The following DSCAM variants were observed in gnomAD, a reference collection of about 807,000 sequenced individuals.
DSCAM encodes DS cell adhesion molecule.
DSCAM carries 47 observed loss-of-function variants against 217.7 expected under a neutral mutation model. The ratio of observed to expected loss-of-function variants is 0.22; its 90% CI spans 0.17 to 0.28. The LOEUF (loss-of-function observed/expected upper bound fraction) is 0.28, where lower values mean the gene tolerates loss of function less well. DSCAM is among the 10% of genes least tolerant of loss of function. The probability of loss-of-function intolerance (pLI) is 1.00; values close to 1 mark genes in which losing one functional copy is unlikely to be tolerated. For synonymous variants in DSCAM, 1,056 were observed against 1,015.3 expected (o/e 1.04, Z -0.76); for missense variants, 2,080 against 2,618.3 (o/e 0.79, Z 4.49).
intron 2 of DSCAM, among the ~76,000 whole-genome samples, chr21:40,702,188 G>T (rs568517807): frequency 6.6e-6 from 1 of 152,180 alleles, no homozygotes; most frequent in East Asian, 1.9e-4. Flanking sequence ...AACTGCTTTA[G>T]CTCTGAGCAC....
chr21:40,388,126 C>T (rs1234142638), intron 3 of DSCAM, among the ~76,000 whole-genome samples: 8 of 120,902 alleles, frequency 6.6e-5, no homozygotes, highest in Non-Finnish European at 1.0e-4. Context: ...TGGAAATTTC[C>T]CAGTATTGAT....
chr21:40,593,851 C>A (rs946160636), intron 3 of DSCAM, among the ~76,000 whole-genome samples: 1 of 152,186 alleles, frequency 6.6e-6, no homozygotes, highest in Admixed American at 6.5e-5. Flanking sequence ...GTCAGACTTA[C>A]ATCTTAAATA....
intron 3 of DSCAM, among the ~76,000 whole-genome samples, chr21:40,563,764 T>A (rs1344661549): frequency 8.1e-6 from 1 of 123,342 alleles, no homozygotes; most frequent in Non-Finnish European, 1.9e-5. Context: ...TTATATATGT[T>A]TGTATGTTTA....
intron 28 of DSCAM, among the ~76,000 whole-genome samples, chr21:40,058,064 G>T (rs2089056283): frequency 6.6e-6 from 1 of 151,936 alleles, no homozygotes; most frequent in Non-Finnish European, 1.5e-5. Flanking sequence ...AGTAGAGACC[G>T]GGTTTCGCCC....
intron 3 of DSCAM, among the ~76,000 whole-genome samples, chr21:40,480,732 A>C (rs1292467527): frequency 6.6e-6 from 1 of 152,212 alleles, no homozygotes; most frequent in African/African-American, 2.4e-5. Flanking sequence ...TTGAGTGCAG[A>C]AAGTTTAAGT....
At chr21:40,717,670 G>C (rs1010054430) in intron 1 of DSCAM, among the ~76,000 whole-genome samples, 1 of 152,208 alleles carries the variant, frequency 6.6e-6, no homozygotes, top group Admixed American at 6.5e-5. Context: ...TGGGTAACGG[G>C]ACAGGATAGG....
intron 3 of DSCAM, among the ~76,000 whole-genome samples, chr21:40,566,245 G>C (rs1046725750): frequency 6.6e-6 from 1 of 152,064 alleles, no homozygotes; most frequent in Non-Finnish European, 1.5e-5. Flanking sequence ...TAGTGATGCT[G>C]GGGAGTCTCT....
At position 40,771,319 on chromosome 21, in the gene DSCAM, C is replaced by A. The variant is rs553158647; in HGVS notation, c.44-62548G>T. Among the ~76,000 whole-genome samples the A allele has an allele frequency of 2.0e-5, 3 of 152,290 alleles. No individual in the cohort carries two copies. The South Asian group carries it at 6.2e-4, about 32-fold the overall frequency. On this transcript the variant is annotated intron_variant, in intron 1 of 32. Transcript: ENST00000400454. Reference sequence around the variant, plus strand: ...GTTCCTCTTCAGGCTGCTGTCATAACGCAGTTCTGAGCTGCAATGATTGAA... The same window carrying A: ...GTTCCTCTTCAGGCTGCTGTCATAAAGCAGTTCTGAGCTGCAATGATTGAA...
chr21:40,671,508 C>CG (rs1555878498), intron 3 of DSCAM, among the ~76,000 whole-genome samples: 2 of 151,316 alleles, frequency 1.3e-5, no homozygotes, highest in African/African-American at 4.9e-5. Context: ...ACTCCCCCCC[C>CG]GCACCGTCTC....
At chr21:40,028,554 C>T (rs541619273) in intron 32 of DSCAM, among the ~76,000 whole-genome samples, 18 of 152,128 alleles carry the variant, frequency 1.2e-4, no homozygotes, top group East Asian at 7.8e-4. Context: ...TCTCGTGGTG[C>T]GCCATGTTTT....
In DSCAM at chr21:40,527,325, C is replaced by A. The variant is rs775504545; in HGVS notation, c.509-158080G>T. Among the ~76,000 whole-genome samples the A allele has an allele frequency of 2.0e-5, 3 of 152,224 alleles. No individual in the cohort carries two copies. In the South Asian group the frequency reaches 6.2e-4, roughly 32 times the overall value. The stretch of plus-strand genomic sequence containing the variant: ...CCCATAGTCTTCTTCTCCACTCTAG[C>A]CACATGGGGCATCTTTGTATTTCAC... On this transcript the variant is annotated intron_variant, in intron 3 of 32. Transcript: ENST00000400454.
intron 3 of DSCAM, among the ~76,000 whole-genome samples, chr21:40,497,761 A>C (rs1289373684): frequency 6.6e-6 from 1 of 152,244 alleles, no homozygotes; most frequent in African/African-American, 2.4e-5. Flanking sequence ...TATACAAATA[A>C]ATTGTTTAAA....
intron 3 of DSCAM, among the ~76,000 whole-genome samples, chr21:40,502,020 G>A (rs2076173763): frequency 6.6e-6 from 1 of 152,002 alleles, no homozygotes; most frequent in Non-Finnish European, 1.5e-5. Flanking sequence ...CTTAATCTGG[G>A]GCCTGCATAC....
chr21:40,565,811 A>G (rs2076759762), intron 3 of DSCAM, among the ~76,000 whole-genome samples: 1 of 152,214 alleles, frequency 6.6e-6, no homozygotes, highest in Non-Finnish European at 1.5e-5. Context: ...AAGGAATCAC[A>G]AATGTCTGCC....
At chr21:40,127,107 T>G (rs988851694) in intron 19 of DSCAM, among the ~76,000 whole-genome samples, 1 of 152,222 alleles carries the variant, frequency 6.6e-6, no homozygotes, top group Non-Finnish European at 1.5e-5. Context: ...ATAATAACTG[T>G]GCTGGCTTAT....
rs140866914 is a variant in DSCAM at position 40,125,596 on chromosome 21, G to C, written c.3563-1268C>G. On this transcript the variant is annotated intron_variant, in intron 19 of 32. Transcript: ENST00000400454. The stretch of plus-strand genomic sequence containing the variant: ...TTCTAAGTCTGCATAACAAAACCAA[G>C]AGCTCTGGTGAGAACTAACTTGGGT... 2.9e-3 allele frequency among the ~76,000 whole-genome samples: 447 copies of C among 152,292 alleles called. 1 individual carries two copies. Among genetic ancestry groups the C allele is most frequent in the African/African-American group, 9.9e-3 (413 of 41,564 alleles).
intron 3 of DSCAM, among the ~76,000 whole-genome samples, chr21:40,472,980 A>G (rs2075901696): frequency 6.6e-6 from 1 of 152,184 alleles, no homozygotes; most frequent in South Asian, 2.1e-4. Flanking sequence ...CAGCCCTCTC[A>G]GTGGGCTACA....
intron 8 of DSCAM, among the ~76,000 whole-genome samples, chr21:40,318,839 T>A (rs2074229109): frequency 6.6e-6 from 1 of 151,916 alleles, no homozygotes; most frequent in South Asian, 2.1e-4. Context: ...CACTCCAAGC[T>A]CCCCGCGGGG....
intron 32 of DSCAM, among the ~76,000 whole-genome samples, chr21:40,028,819 G>C (rs2088455939): frequency 6.6e-6 from 1 of 152,216 alleles, no homozygotes; most frequent in Admixed American, 6.5e-5. Context: ...GCTGGGAGCT[G>C]CAGACCGGAG....
Sources: gnomAD v4.1 joint callset for allele counts (sites outside exome capture counted in the v4.1 genomes callset) on GRCh38, gnomAD v4.1.1 for gene constraint, MANE v1.5 for transcripts, NCBI Gene and HGNC (gene_info 2026-07-23, HGNC 2026-07-21) for gene names.